The following TLN2 variants were observed in gnomAD, a reference collection of about 807,000 sequenced individuals.
TLN2 encodes the protein talin-2.
TLN2 carries 118 observed loss-of-function variants against 294.7 expected under a neutral mutation model. That is an observed-to-expected ratio of 0.40 (90% CI 0.34 to 0.47). The LOEUF is 0.47. Among genes scored for constraint, TLN2 ranks in the 20% least tolerant of loss-of-function variants. The pLI is 0.84. For missense variants in TLN2, 3,083 were observed against 3,282.2 expected, an observed-to-expected ratio of 0.94 and a Z score of 1.48; for synonymous variants, 1,431 against 1,304.5, an observed-to-expected ratio of 1.10 and a Z score of -2.09.
chr15:62,520,672 A>G (rs1428838495), intron 1 of TLN2, among the ~76,000 whole-genome samples: 2 of 152,216 alleles, frequency 1.3e-5, no homozygotes, highest in Non-Finnish European at 2.9e-5. Flanking sequence ...AGATAACCGT[A>G]TATGTTGCTA....
chr15:62,615,634 C>T (rs2048254877), intron 2 of TLN2, among the ~76,000 whole-genome samples: 2 of 152,158 alleles, frequency 1.3e-5, no homozygotes, highest in East Asian at 3.8e-4. Context: ...TTCATATGCA[C>T]GTGTGTATGT....
intron 1 of TLN2, among the ~76,000 whole-genome samples, chr15:62,507,771 G>A (rs1362583308): frequency 6.6e-6 from 1 of 152,226 alleles, no homozygotes; most frequent in Non-Finnish European, 1.5e-5. Flanking sequence ...AGGCAGTACT[G>A]GGCAGAAGCA....
chr15:62,549,457 CAG>C (rs1279137777), intron 1 of TLN2, among the ~76,000 whole-genome samples: 1 of 147,318 alleles, frequency 6.8e-6, no homozygotes, highest in Non-Finnish European at 1.5e-5. Flanking sequence ...TAGTGCCACT[CAG>C]AGGCCTGCCA....
intron 1 of TLN2, among the ~76,000 whole-genome samples, chr15:62,460,501 G>C (rs369788196): frequency 6.6e-5 from 10 of 152,178 alleles, no homozygotes; most frequent in African/African-American, 2.4e-4. Flanking sequence ...AACCTCAGGT[G>C]ATCCACCCGC....
chr15:62,456,823 C>T (rs1263234102), intron 1 of TLN2, among the ~76,000 whole-genome samples: 1 of 152,138 alleles, frequency 6.6e-6, no homozygotes, highest in African/African-American at 2.4e-5. Flanking sequence ...TCTCACTGCA[C>T]AGGTTCTCCC....
intron 1 of TLN2, among the ~76,000 whole-genome samples, chr15:62,485,291 GA>G (rs750334164): frequency 1.3e-5 from 2 of 152,216 alleles, no homozygotes; most frequent in Non-Finnish European, 2.9e-5. Context: ...ATAGGACATG[GA>G]CCATAGTTCT....
At chr15:62,458,840 C>G (rs2036634320) in intron 1 of TLN2, among the ~76,000 whole-genome samples, 1 of 152,098 alleles carries the variant, frequency 6.6e-6, no homozygotes, top group Non-Finnish European at 1.5e-5. Context: ...TCCCTGCTTA[C>G]TTAATCAGCA....
At chr15:62,806,359 T>C (rs1794225315) in intron 51 of TLN2, among the ~76,000 whole-genome samples, 1 of 151,926 alleles carries the variant, frequency 6.6e-6, no homozygotes. Context: ...TCTTGCAGAG[T>C]GTGGTGGAGG....
In TLN2 at chr15:62,737,068, T is replaced by G; in HGVS notation, c.3549T>G (p.Arg1183=). Residue 1183 remains arginine, a synonymous_variant, in exon 29 of 59, where the codon CGT becomes CGG. Coordinates refer to ENST00000636159, the MANE Select transcript of TLN2 (RefSeq NM_015059.3). The part of the protein sequence containing the change: ...QALIAPGDAE[R]QQRLAQVAKA... ...TGATTGCACCTGGAGATGCAGAGCG[T>G]CAACAAAGACTGGCTCAGGTGAGGC... The G allele has an allele frequency of 6.2e-7, 1 of 1,614,172 alleles. No homozygotes were observed. The highest frequency in any genetic ancestry group is 8.5e-7 in the Non-Finnish European group (1 of 1,180,034).
intron 1 of TLN2, among the ~76,000 whole-genome samples, chr15:62,426,499 A>C (rs949971262): frequency 1.3e-5 from 2 of 152,106 alleles, no homozygotes; most frequent in Non-Finnish European, 2.9e-5. Context: ...AGGGGAAAAG[A>C]GGTAATGTGG....
chr15:62,445,625 A>G (rs1024318869), intron 1 of TLN2, among the ~76,000 whole-genome samples: 6 of 152,176 alleles, frequency 3.9e-5, no homozygotes, highest in African/African-American at 1.2e-4. Flanking sequence ...TTATTCAGCT[A>G]TACAAATTAC....
At position 62,702,620 on chromosome 15, in the gene TLN2, G is replaced by A. The variant is rs1391755438; in HGVS notation, c.1906-146G>A. The A allele has an allele frequency of 1.4e-5, 10 of 727,512 alleles. No homozygotes were observed. The Admixed American group carries it at 1.8e-4, about 13-fold the overall frequency. The allele number at this position is 727,512 out of a possible 1,614,324, so 45.1% of individuals were successfully genotyped here. On this transcript the variant is annotated intron_variant, in intron 18 of 58. Coordinates refer to ENST00000636159, the MANE Select transcript of TLN2 (RefSeq NM_015059.3). ...TTCCTTTCACGGATTTCACCGGGAT[G>A]TCTTCTATCTGGCAGACCACCTGAG...
rs191816521 is a variant in TLN2 at position 62,795,755 on chromosome 15, A to T, written c.5884-372A>T. Among the ~76,000 whole-genome samples the T allele has an allele frequency of 6.6e-5, 10 of 152,328 alleles. No individual in the cohort carries two copies. In the East Asian group the frequency reaches 1.9e-3, roughly 29 times the overall value. Reference sequence around the variant, plus strand: ...TCTCCCGTTCTGTGGTTTCAGAAACATAGCAGTAATTGAATAAATAGCATC... The same window carrying T: ...TCTCCCGTTCTGTGGTTTCAGAAACTTAGCAGTAATTGAATAAATAGCATC... On this transcript the variant is annotated intron_variant, in intron 46 of 58. Transcript: ENST00000636159.
intron 3 of TLN2, among the ~76,000 whole-genome samples, chr15:62,628,859 T>C (rs1371107351): frequency 6.6e-6 from 1 of 152,224 alleles, no homozygotes; most frequent in Non-Finnish European, 1.5e-5. Context: ...GACAGCATAA[T>C]TCCCAGTTTT....
intron 9 of TLN2, among the ~76,000 whole-genome samples, chr15:62,671,779 G>A (rs1218152555): frequency 6.6e-6 from 1 of 152,108 alleles, no homozygotes; most frequent in African/African-American, 2.4e-5. Context: ...AAGAAACTAA[G>A]TTATTTTTAT....
At chr15:62,673,167 T>C (rs563542648) in intron 9 of TLN2, among the ~76,000 whole-genome samples, 1 of 151,956 alleles carries the variant, frequency 6.6e-6, no homozygotes, top group South Asian at 2.1e-4. Context: ...ACAAGTCTAC[T>C]ATGGCTTATT....
At chr15:62,494,786 C>T (rs2038934731) in intron 1 of TLN2, among the ~76,000 whole-genome samples, 1 of 152,112 alleles carries the variant, frequency 6.6e-6, no homozygotes, top group Non-Finnish European at 1.5e-5. Context: ...TCCCACCATG[C>T]ATTCATTCGG....
At chr15:62,725,443 C>G (rs773717446) in intron 27 of TLN2, among the ~76,000 whole-genome samples, 1 of 152,104 alleles carries the variant, frequency 6.6e-6, no homozygotes, top group African/African-American at 2.4e-5. Flanking sequence ...TTACTTAATG[C>G]AAAGCACTAG....
rs772907708 is a variant in TLN2 at position 62,752,344 on chromosome 15, A to G, written c.4249A>G (p.Lys1417Glu). ...ESMAGISQNA[K>E]TGDLPAFGEC... ...GATGGCAGGGATTTCACAGAATGCC[A>G]AGACCGGAGACCTCCCTGCCTTTGG... Residue 1417 changes from lysine (K) to glutamate (E), a missense_variant, in exon 35 of 59, where the codon AAG becomes GAG. Coordinates refer to ENST00000636159, the MANE Select transcript of TLN2 (RefSeq NM_015059.3). 3 of 1,614,150 alleles carry G rather than the reference A, an allele frequency of 1.9e-6. No homozygotes were observed. Among genetic ancestry groups the G allele is most frequent in the South Asian group, 2.2e-5 (2 of 91,076 alleles).
Sources: allele counts gnomAD v4.1 joint callset (sites outside exome capture counted in the v4.1 genomes callset), GRCh38; gene constraint gnomAD v4.1.1; transcripts MANE v1.5; gene names NCBI Gene and HGNC (gene_info 2026-07-23, HGNC 2026-07-21).